GALNT13: variants seen among roughly 807,000 people sequenced by gnomAD.
GALNT13 encodes polypeptide N-acetylgalactosaminyltransferase 13.
In GALNT13, 28 loss-of-function variants were observed where a neutral mutation model predicts 64.2. The ratio of observed to expected loss-of-function variants is 0.44; its 90% CI spans 0.32 to 0.60. The LOEUF (loss-of-function observed/expected upper bound fraction) is 0.60. Ranked by LOEUF, GALNT13 falls within the 20% of genes least tolerant of loss-of-function variation. The pLI is 0.05. For synonymous variants in GALNT13, 214 were observed against 224.6 expected (o/e 0.95, Z 0.42); for missense variants, 577 against 669.8 (o/e 0.86, Z 1.53).
At chr2:153,553,969 G>GC in the GALNT13 span, among the ~76,000 whole-genome samples, 2 of 151,510 alleles carry the variant, frequency 1.3e-5, no homozygotes, top group East Asian at 3.9e-4. Context: ...TGGGGATGAG[G>GC]TTCCCCTGAG....
intron 4 of GALNT13, among the ~76,000 whole-genome samples, chr2:154,185,812 A>G (rs1686218192): frequency 1.3e-5 from 2 of 152,150 alleles, no homozygotes; most frequent in South Asian, 4.1e-4. Flanking sequence ...ATTACCTACA[A>G]TGAAGAATCT....
chr2:153,670,227 C>T, the GALNT13 span, among the ~76,000 whole-genome samples: 8 of 152,180 alleles, frequency 5.3e-5, no homozygotes, highest in Non-Finnish European at 1.0e-4. Context: ...CGATAATGGA[C>T]AGAGTGCCTC....
chr2:154,406,919 G>C (rs1293144671), intron 10 of GALNT13, among the ~76,000 whole-genome samples: 1 of 152,142 alleles, frequency 6.6e-6, no homozygotes, highest in African/African-American at 2.4e-5. Context: ...AAACATTAAA[G>C]TGTTATCTTT....
the GALNT13 span, among the ~76,000 whole-genome samples, chr2:153,830,401 T>A: frequency 6.6e-6 from 1 of 152,126 alleles, no homozygotes; most frequent in Admixed American, 6.5e-5. Flanking sequence ...ATTCTAAAAT[T>A]TTTTTAAGGG....
the GALNT13 span, among the ~76,000 whole-genome samples, chr2:153,713,231 A>G: frequency 6.6e-6 from 1 of 152,172 alleles, no homozygotes; most frequent in African/African-American, 2.4e-5. Flanking sequence ...TAAAAGATAA[A>G]ATACATTATA....
chr2:153,741,417 A>G, the GALNT13 span, among the ~76,000 whole-genome samples: 1 of 151,996 alleles, frequency 6.6e-6, no homozygotes, highest in Non-Finnish European at 1.5e-5. Context: ...TATTAAAATT[A>G]TACTCTGATT....
At chr2:154,212,539 C>T (rs894512216) in intron 4 of GALNT13, among the ~76,000 whole-genome samples, 3 of 152,062 alleles carry the variant, frequency 2.0e-5, no homozygotes, top group Admixed American at 2.0e-4. Context: ...CCACTGTGCC[C>T]AGCCCAGGCA....
the GALNT13 span, among the ~76,000 whole-genome samples, chr2:153,630,808 T>TATATATATATATA: frequency 5.9e-5 from 1 of 16,984 alleles, no homozygotes; most frequent in African/African-American, 2.4e-4. Flanking sequence ...TATATATATA[T>TATATATATATATA]TTTTTTTTTT....
intron 8 of GALNT13, among the ~76,000 whole-genome samples, chr2:154,281,494 A>G (rs1178868498): frequency 6.6e-6 from 1 of 152,176 alleles, no homozygotes; most frequent in African/African-American, 2.4e-5. Flanking sequence ...GATCAATCCT[A>G]AAGGTCAGAA....
chr2:153,078,562 C>T, the GALNT13 span, among the ~76,000 whole-genome samples: 8 of 152,148 alleles, frequency 5.3e-5, no homozygotes, highest in African/African-American at 1.2e-4. Context: ...CCGCCCACCT[C>T]GGCCTCCCAA....
chr2:153,417,741 G>T, the GALNT13 span, among the ~76,000 whole-genome samples: 1 of 152,136 alleles, frequency 6.6e-6, no homozygotes, highest in African/African-American at 2.4e-5. Flanking sequence ...TATTAAATTT[G>T]AGATGTCCAT....
chr2:153,775,424 T>A, the GALNT13 span, among the ~76,000 whole-genome samples: 1 of 152,168 alleles, frequency 6.6e-6, no homozygotes, highest in Non-Finnish European at 1.5e-5. Flanking sequence ...AATAACTCCT[T>A]CCTGCCTCAT....
chr2:153,923,644 A>T (rs1689907504), intron 2 of GALNT13, among the ~76,000 whole-genome samples: 1 of 151,708 alleles, frequency 6.6e-6, no homozygotes, highest in South Asian at 2.1e-4. Flanking sequence ...GCACCCATTA[A>T]CTTGTCATTT....
the GALNT13 span, among the ~76,000 whole-genome samples, chr2:153,458,493 C>G: frequency 6.6e-6 from 1 of 152,038 alleles, no homozygotes; most frequent in Non-Finnish European, 1.5e-5. Context: ...TTTCTTTTTC[C>G]CTCAGTTTAA....
the GALNT13 span, among the ~76,000 whole-genome samples, chr2:153,098,685 T>C: frequency 6.6e-6 from 1 of 152,184 alleles, no homozygotes; most frequent in Non-Finnish European, 1.5e-5. Context: ...AATTTATCTA[T>C]TGTATTGTTG....
chr2:153,630,797 A>ATT, the GALNT13 span, among the ~76,000 whole-genome samples: 7 of 16,462 alleles, frequency 4.3e-4, no homozygotes, highest in African/African-American at 1.6e-3. Flanking sequence ...ATATATATAT[A>ATT]TATATATATA....
the GALNT13 span, among the ~76,000 whole-genome samples, chr2:153,456,522 A>G: frequency 1.3e-5 from 2 of 152,184 alleles, no homozygotes; most frequent in Non-Finnish European, 2.9e-5. Context: ...TGGCTTCCTG[A>G]GAACAGTTGG....
the GALNT13 span, among the ~76,000 whole-genome samples, chr2:153,777,880 CAG>C: frequency 1.3e-5 from 2 of 152,160 alleles, no homozygotes; most frequent in African/African-American, 4.8e-5. Flanking sequence ...GTTACAAGGA[CAG>C]AGGGCTTTTT....
At chr2:154,068,696 A>C (rs1339401430) in intron 3 of GALNT13, among the ~76,000 whole-genome samples, 2 of 152,006 alleles carry the variant, frequency 1.3e-5, no homozygotes, top group Non-Finnish European at 2.9e-5. Flanking sequence ...TCAGAGAGAG[A>C]GTGGAATGAT....
Sources: gnomAD v4.1 joint callset for allele counts (sites outside exome capture counted in the v4.1 genomes callset) on GRCh38, gnomAD v4.1.1 for gene constraint, MANE v1.5 for transcripts, NCBI Gene and HGNC (gene_info 2026-07-23, HGNC 2026-07-21) for gene names.